SIMC1: variants seen among roughly 807,000 people sequenced by gnomAD.
SIMC1 encodes the protein SUMO-interacting motif-containing protein 1.
A neutral mutation model predicts 82.3 loss-of-function variants in SIMC1; 55 were observed. The observed-to-expected ratio is 0.67, with a 90% CI of 0.54 to 0.84. SIMC1 has a LOEUF of 0.84. Ranked by LOEUF, SIMC1 falls within the 40% of genes least tolerant of loss-of-function variation. The pLI, the probability that SIMC1 is intolerant of heterozygous loss-of-function variation, is 0.00. For synonymous variants in SIMC1, 353 were observed against 426.3 expected (o/e 0.83, Z 2.12); for missense variants, 915 against 1,107.2 (o/e 0.83, Z 2.46).
intron 7 of SIMC1, among the ~76,000 whole-genome samples, chr5:176,334,688 C>T (rs995849054): frequency 2.6e-5 from 4 of 152,210 alleles, no homozygotes; most frequent in African/African-American, 9.6e-5. Flanking sequence ...GCCCAAGAAG[C>T]CCCCTCTCTT....
At chr5:176,302,534 T>G (rs924472886) in intron 4 of SIMC1, among the ~76,000 whole-genome samples, 9 of 152,166 alleles carry the variant, frequency 5.9e-5, no homozygotes, top group Admixed American at 5.9e-4. Flanking sequence ...TTCAACATAG[T>G]ACCTCAAGAC....
At chr5:176,256,763 T>G (rs187155880) in intron 1 of SIMC1, among the ~76,000 whole-genome samples, 6 of 152,306 alleles carry the variant, frequency 3.9e-5, no homozygotes, top group South Asian at 2.1e-4. Flanking sequence ...AACATTTTTT[T>G]TTTTAGAATC....
At chr5:176,304,910 C>T (rs1225264019) in intron 4 of SIMC1, among the ~76,000 whole-genome samples, 7 of 143,052 alleles carry the variant, frequency 4.9e-5, no homozygotes, top group East Asian at 2.2e-4. Context: ...CGTCTCTGCC[C>T]GGCCGCCCCG....
intron 1 of SIMC1, among the ~76,000 whole-genome samples, chr5:176,276,144 T>G (rs907817619): frequency 6.6e-6 from 1 of 151,748 alleles, no homozygotes; most frequent in Non-Finnish European, 1.5e-5. Flanking sequence ...TTGCCACAAT[T>G]TCAGCTCCTG....
At chr5:176,288,212 A>T (rs1763382374) in intron 1 of SIMC1, among the ~76,000 whole-genome samples, 1 of 152,180 alleles carries the variant, frequency 6.6e-6, no homozygotes, top group Admixed American at 6.6e-5. Flanking sequence ...GTTCGAGACC[A>T]GCCTGGCCAA....
chr5:176,286,031 A>G (rs1234655052), intron 1 of SIMC1, among the ~76,000 whole-genome samples: 4 of 152,232 alleles, frequency 2.6e-5, no homozygotes, highest in African/African-American at 9.6e-5. Flanking sequence ...GGATAGGAGG[A>G]ATCAATATCG....
intron 7 of SIMC1, among the ~76,000 whole-genome samples, chr5:176,329,063 G>T (rs1765513667): frequency 6.6e-6 from 1 of 152,150 alleles, no homozygotes; most frequent in Non-Finnish European, 1.5e-5. Flanking sequence ...AATTTACATT[G>T]GTACAATCCC....
At chr5:176,304,744 G>A (rs1478011173) in intron 4 of SIMC1, among the ~76,000 whole-genome samples, 5 of 151,212 alleles carry the variant, frequency 3.3e-5, no homozygotes, top group African/African-American at 1.2e-4. Context: ...GAAGTGAGGA[G>A]CGCCTCTTCC....
chr5:176,255,000 G>C (rs1270535830), intron 1 of SIMC1, among the ~76,000 whole-genome samples: 2 of 151,966 alleles, frequency 1.3e-5, no homozygotes, highest in African/African-American at 2.4e-5. Context: ...AACCTGGCTA[G>C]GCATGGTGGC....
At chr5:176,254,524 AATTTC>A (rs1297755591) in intron 1 of SIMC1, among the ~76,000 whole-genome samples, 6 of 150,530 alleles carry the variant, frequency 4.0e-5, no homozygotes, top group African/African-American at 1.5e-4. Flanking sequence ...TGTTTTTACT[AATTTC>A]ATGGAAGAAA....
At chr5:176,280,373 G>T (rs1581247448) in intron 1 of SIMC1, among the ~76,000 whole-genome samples, 1 of 151,820 alleles carries the variant, frequency 6.6e-6, no homozygotes, top group East Asian at 1.9e-4. Context: ...GTGTGTCTCT[G>T]CATGTGTCTT....
At chr5:176,295,728 G>A (rs1763785641) in intron 3 of SIMC1, among the ~76,000 whole-genome samples, 1 of 151,650 alleles carries the variant, frequency 6.6e-6, no homozygotes, top group Admixed American at 6.6e-5. Context: ...GCATGTGGTA[G>A]CCTCTCAGCC....
chr5:176,322,341 A>G lies in SIMC1; in HGVS notation c.1958A>G (p.Gln653Arg). 6.3e-7 allele frequency: 1 copy of G among 1,596,208 alleles called. No individual in the cohort carries two copies. Among genetic ancestry groups the G allele is most frequent in the Non-Finnish European group, 8.5e-7 (1 of 1,171,172 alleles). Reference sequence around the variant, plus strand: ...TTGACTCAGCCCCCAAATGGAAATCAAACGTCTTCAGGAACAGGAATCTTG... The same window carrying G: ...TTGACTCAGCCCCCAAATGGAAATCGAACGTCTTCAGGAACAGGAATCTTG... The part of the protein sequence containing the change: ...DGLTQPPNGN[Q>R]TSSGTGILKA... The change falls in exon 6 of 10, where the codon CAA becomes CGA. Residue 653 changes from glutamine to arginine, a missense_variant. By Grantham distance (43) the Gln-to-Arg change is conservative. Coordinates refer to ENST00000429602, the MANE Select transcript of SIMC1 (RefSeq NM_001308195.2).
At chr5:176,296,512 T>C (rs1561704120) in intron 4 of SIMC1, 192 bp downstream of exon 4, 2 of 692,242 alleles carry the variant, frequency 2.9e-6, no homozygotes, top group Non-Finnish European at 4.8e-6. Context: ...AAAATAAAAA[T>C]AAAATATTTA....
intron 4 of SIMC1, chr5:176,308,757 G>C: frequency 7.4e-7 from 1 of 1,356,612 alleles, no homozygotes; most frequent in Non-Finnish European, 1.1e-6. Flanking sequence ...CCTTGAATCA[G>C]CAGTAGAGCT....
chr5:176,317,637 C>T (rs563056862), intron 5 of SIMC1, among the ~76,000 whole-genome samples: 80 of 152,240 alleles, frequency 5.3e-4, no homozygotes, highest in African/African-American at 1.8e-3. Flanking sequence ...TATCAGTGTT[C>T]AGTGTTTCTA....
At chr5:176,333,433 G>A (rs998890075) in intron 7 of SIMC1, among the ~76,000 whole-genome samples, 1 of 151,822 alleles carries the variant, frequency 6.6e-6, no homozygotes, top group African/African-American at 2.4e-5. Context: ...TTGGTGTTTT[G>A]TTGTGTTTTG....
At chr5:176,313,972 A>T in intron 5 of SIMC1, 127 bp downstream of exon 5, 1 of 1,202,390 alleles carries the variant, frequency 8.3e-7, no homozygotes, top group African/African-American at 1.5e-5. Flanking sequence ...GCTAATTTTT[A>T]AAACTATAGA....
At chr5:176,303,733 T>TA (rs1463948364) in intron 4 of SIMC1, among the ~76,000 whole-genome samples, 6 of 152,156 alleles carry the variant, frequency 3.9e-5, no homozygotes, top group Non-Finnish European at 5.9e-5. Context: ...AAGATAGACA[T>TA]ATGGACTAGA....
Sources: gnomAD v4.1 joint callset for allele counts (sites outside exome capture counted in the v4.1 genomes callset) on GRCh38, gnomAD v4.1.1 for gene constraint, MANE v1.5 for transcripts, NCBI Gene and HGNC (gene_info 2026-07-23, HGNC 2026-07-21) for gene names.